NUDT3: variants seen among roughly 807,000 people sequenced by gnomAD.
NUDT3 encodes nudix hydrolase 3.
In NUDT3, 9 loss-of-function variants were observed where a neutral mutation model predicts 23.6. The ratio of observed to expected loss-of-function variants is 0.38; its 90% confidence interval spans 0.23 to 0.66. The LOEUF (loss-of-function observed/expected upper bound fraction) is 0.66, where lower values mean the gene tolerates loss of function less well. Among genes scored for constraint, NUDT3 ranks in the 30% least tolerant of loss-of-function variants. The probability of loss-of-function intolerance (pLI) is 0.52; values close to 1 mark genes in which losing one functional copy is unlikely to be tolerated. For synonymous variants in NUDT3, 86 were observed against 82.6 expected, an observed-to-expected ratio of 1.04 and a Z score of -0.22; for missense variants, 172 against 218.5, an observed-to-expected ratio of 0.79 and a Z score of 1.34.
rs1424140591 is a variant in NUDT3, at chr6:34,283,958, C to T, written c.*4795G>A. 3.3e-5 allele frequency: 5 copies of T among 152,248 alleles called. No individual in the cohort carries two copies. Among genetic ancestry groups the T allele is most frequent in the Non-Finnish European group, 5.9e-5 (4 of 68,072 alleles). The allele number at this position is 152,248 out of a possible 1,614,324, so 9.4% of individuals were successfully genotyped here. ...ACTCACGAAACAGCACAGAGGATGACTCTAGGGTGCTCTCCCACTTGCTCC... is the reference window on the plus strand; with the variant it reads ...ACTCACGAAACAGCACAGAGGATGATTCTAGGGTGCTCTCCCACTTGCTCC... On this transcript the variant is annotated 3_prime_UTR_variant, in exon 5 of 5. Transcript: ENST00000607016.
At chr6:34,299,809 A>T (rs1450952877) in intron 2 of NUDT3, among the ~76,000 whole-genome samples, 3 of 151,680 alleles carry the variant, frequency 2.0e-5, no homozygotes, top group Non-Finnish European at 4.4e-5. Flanking sequence ...TGGGTGAGGC[A>T]GGAGAATCAC....
intron 2 of NUDT3, among the ~76,000 whole-genome samples, chr6:34,297,757 ATAATTTTT>A (rs1276408839): frequency 1.5e-5 from 1 of 68,036 alleles, no homozygotes; most frequent in African/African-American, 6.5e-5. Context: ...ATATATATAT[ATAATTTTT>A]TTTTTTTTTT....
chr6:34,367,425 C>T (rs777491675), intron 1 of NUDT3, among the ~76,000 whole-genome samples: 5 of 150,296 alleles, frequency 3.3e-5, no homozygotes, highest in South Asian at 2.1e-4. Flanking sequence ...GAGGTTGCAG[C>T]GAGCCGAGAT....
intron 2 of NUDT3, among the ~76,000 whole-genome samples, chr6:34,303,092 T>C (rs1763624676): frequency 1.3e-5 from 2 of 151,954 alleles, no homozygotes; most frequent in South Asian, 4.1e-4. Context: ...TTGGCAGTGG[T>C]GCAAACACAG....
rs182779846 is a variant in NUDT3, at chr6:34,292,795, T to C, written c.340+656A>G. 8.8e-4 allele frequency among the ~76,000 whole-genome samples: 134 copies of C among 152,220 alleles called. No individual in the cohort carries two copies. In the East Asian group the frequency reaches 0.011, roughly 12 times the overall value. On this transcript the variant is annotated intron_variant, in intron 4 of 4. Transcript: ENST00000607016. The stretch of plus-strand genomic sequence containing the variant: ...GTCCTGCTCTCACTTATGGTCCCCA[T>C]GGCCAGCAGTGAGCCTGGCATGGCG...
chr6:34,380,180 T>C (rs973342582), intron 1 of NUDT3, among the ~76,000 whole-genome samples: 5 of 151,774 alleles, frequency 3.3e-5, no homozygotes, highest in Non-Finnish European at 7.4e-5. Flanking sequence ...ACCTCCCGAG[T>C]AGCTGGGATT....
At chr6:34,366,574 TA>T (rs1375869784) in intron 1 of NUDT3, among the ~76,000 whole-genome samples, 3 of 149,816 alleles carry the variant, frequency 2.0e-5, no homozygotes, top group Non-Finnish European at 3.0e-5. Flanking sequence ...TTTTGTTTTT[TA>T]GAGACAGGGT....
intron 2 of NUDT3, among the ~76,000 whole-genome samples, chr6:34,317,292 G>A (rs900935426): frequency 2.6e-5 from 4 of 152,032 alleles, no homozygotes; most frequent in Non-Finnish European, 5.9e-5. Context: ...GCAGTGGTTA[G>A]GGATAGATTA....
intron 1 of NUDT3, among the ~76,000 whole-genome samples, chr6:34,375,897 G>A (rs977288305): frequency 2.0e-5 from 3 of 152,084 alleles, no homozygotes; most frequent in African/African-American, 7.2e-5. Flanking sequence ...TTTGTGAAAT[G>A]TTCTTCCACC....
At chr6:34,297,851 T>C (rs1763539097) in intron 2 of NUDT3, among the ~76,000 whole-genome samples, 1 of 144,336 alleles carries the variant, frequency 6.9e-6, no homozygotes, top group South Asian at 2.2e-4. Context: ...CGCCTCAGCC[T>C]CCCAAAGTGC....
intron 1 of NUDT3, among the ~76,000 whole-genome samples, chr6:34,348,861 T>C (rs919266875): frequency 1.3e-5 from 2 of 150,156 alleles, no homozygotes; most frequent in Non-Finnish European, 1.5e-5. Context: ...ATGGGAAGGT[T>C]TCTCTTTTTT....
At position 34,381,365 on chromosome 6, in the gene NUDT3, C is replaced by T. The variant is rs543717959; in HGVS notation, c.99+10899G>A. On this transcript the variant is annotated intron_variant, in intron 1 of 4. Coordinates refer to ENST00000607016, the MANE Select transcript of NUDT3 (RefSeq NM_006703.4). ...TGAAGCTCAGATTCTGTATTCTACA[C>T]ATTTTAAAACTCTTCAGTTTGAAGT... 2.0e-5 allele frequency among the ~76,000 whole-genome samples: 3 copies of T among 152,144 alleles called. No individual in the cohort carries two copies. In the South Asian group the frequency reaches 6.2e-4, roughly 32 times the overall value.
intron 2 of NUDT3, among the ~76,000 whole-genome samples, chr6:34,296,057 T>C (rs1763494850): frequency 6.6e-6 from 1 of 152,192 alleles, no homozygotes. Flanking sequence ...CGCTTGAGGA[T>C]AAGAGTTCAA....
At chr6:34,332,452 A>G (rs1764142239) in intron 2 of NUDT3, among the ~76,000 whole-genome samples, 2 of 152,182 alleles carry the variant, frequency 1.3e-5, no homozygotes, top group African/African-American at 4.8e-5. Flanking sequence ...CCTCAGAGGC[A>G]GAAGTGAAGG....
At chr6:34,312,348 G>T (rs1205993256) in intron 2 of NUDT3, among the ~76,000 whole-genome samples, 2 of 151,150 alleles carry the variant, frequency 1.3e-5, no homozygotes, top group Non-Finnish European at 2.9e-5. Context: ...GTTGCAGTGA[G>T]CTGTGATCTT....
chr6:34,293,585 G>T, intron 3 of NUDT3, 50 bp from the exon 4 acceptor site: 1 of 1,606,910 alleles, frequency 6.2e-7, no homozygotes. Flanking sequence ...TAGAAAGCTG[G>T]AATTACTTAA....
chr6:34,292,490 C>A (rs1480210252), intron 4 of NUDT3, among the ~76,000 whole-genome samples: 1 of 152,054 alleles, frequency 6.6e-6, no homozygotes, highest in Non-Finnish European at 1.5e-5. Context: ...TAACAGCCAT[C>A]TGAGATCAAA....
At chr6:34,335,898 T>C (rs1581873329) in intron 2 of NUDT3, among the ~76,000 whole-genome samples, 1 of 152,064 alleles carries the variant, frequency 6.6e-6, no homozygotes, top group South Asian at 2.1e-4. Flanking sequence ...ATAAATGTTT[T>C]TATTATTAAT....
chr6:34,351,208 A>C (rs754771417), intron 1 of NUDT3, among the ~76,000 whole-genome samples: 13,378 of 124,382 alleles, frequency 0.11, 2,568 homozygotes, highest in Non-Finnish European at 0.14. Context: ...TAAAAAAAAA[A>C]AAAAAAAAAA....
Sources: allele counts gnomAD v4.1 joint callset (sites outside exome capture counted in the v4.1 genomes callset), GRCh38; gene constraint gnomAD v4.1.1; transcripts MANE v1.5; gene names NCBI Gene and HGNC (gene_info 2026-07-23, HGNC 2026-07-21).